The following ZZZ3 variants were observed in gnomAD, a reference collection of about 807,000 sequenced individuals.
The protein encoded by ZZZ3 is ZZ-type zinc finger-containing protein 3.
ZZZ3 carries 22 observed loss-of-function variants against 95.2 expected under a neutral mutation model. That is an observed-to-expected ratio of 0.23 (90% confidence interval 0.17 to 0.33). ZZZ3 has a LOEUF of 0.33. Among genes scored for constraint, ZZZ3 ranks in the 10% least tolerant of loss-of-function variants. The probability of loss-of-function intolerance (pLI) is 1.00; values close to 1 mark genes in which losing one functional copy is unlikely to be tolerated. For missense variants in ZZZ3, 885 were observed against 1,066.5 expected (o/e 0.83, Z 2.37); for synonymous variants, 335 against 358.9 (o/e 0.93, Z 0.75).
intron 6 of ZZZ3, among the ~76,000 whole-genome samples, chr1:77,582,476 A>C (rs1662617643): frequency 6.6e-6 from 1 of 152,150 alleles, no homozygotes; most frequent in South Asian, 2.1e-4. Context: ...ATGAACTAGG[A>C]GGAATTTTTT....
At chr1:77,664,273 A>G (rs899058954) in intron 1 of ZZZ3, among the ~76,000 whole-genome samples, 1 of 152,136 alleles carries the variant, frequency 6.6e-6, no homozygotes, top group African/African-American at 2.4e-5. Flanking sequence ...CAGTACCTTA[A>G]AGAAGAATGG....
chr1:77,636,179 AC>A (rs1668281722), intron 4 of ZZZ3, among the ~76,000 whole-genome samples: 1 of 152,282 alleles, frequency 6.6e-6, no homozygotes, highest in East Asian at 1.9e-4. Context: ...CTTTATAAAC[AC>A]ACAAAAGAAT....
chr1:77,647,118 T>C (rs1410387747), intron 1 of ZZZ3, among the ~76,000 whole-genome samples: 5 of 152,244 alleles, frequency 3.3e-5, no homozygotes, highest in Non-Finnish European at 5.9e-5. Flanking sequence ...GTTTGTGGTA[T>C]ATATACTTCC....
Position 77,579,514 on chromosome 1 carries a change from TCTC to T in ZZZ3, c.2082+10_2082+12del. 6.3e-7 allele frequency: 1 copy of T among 1,581,618 alleles called. No individual in the cohort carries two copies. The highest frequency in any genetic ancestry group is 1.1e-5 in the South Asian group (1 of 88,736). ...AAAGCATACCAGCAATCTGCAGTCA[TCTC>T]CTCAATTACCTGTTTTGCTGTCCTG... On this transcript the variant is annotated intron_variant, in intron 10 of 14. Transcript: ENST00000370801.
intron 1 of ZZZ3, among the ~76,000 whole-genome samples, chr1:77,643,974 C>T (rs983115044): frequency 6.6e-6 from 1 of 152,000 alleles, no homozygotes; most frequent in Non-Finnish European, 1.5e-5. Context: ...AGGCACTATA[C>T]TATGATTTTA....
intron 12 of ZZZ3, among the ~76,000 whole-genome samples, chr1:77,572,989 G>T (rs1245184292): frequency 6.6e-6 from 1 of 151,866 alleles, no homozygotes; most frequent in Non-Finnish European, 1.5e-5. Context: ...TCTTCATCTG[G>T]CCAATTTTTA....
At chr1:77,608,042 A>C (rs1414679097) in intron 5 of ZZZ3, among the ~76,000 whole-genome samples, 1 of 152,184 alleles carries the variant, frequency 6.6e-6, no homozygotes, top group Non-Finnish European at 1.5e-5. Context: ...GGCAAATCTA[A>C]GAGTTATTAG....
chr1:77,653,590 C>T (rs1339641124), intron 1 of ZZZ3, among the ~76,000 whole-genome samples: 1 of 151,854 alleles, frequency 6.6e-6, no homozygotes, highest in Non-Finnish European at 1.5e-5. Flanking sequence ...CCTGTATCTA[C>T]TAAAAATACA....
At chr1:77,576,769 CAAAAAAACAACA>C (rs869183066) in intron 11 of ZZZ3, among the ~76,000 whole-genome samples, 1 of 28,132 alleles carries the variant, frequency 3.6e-5, no homozygotes, top group Admixed American at 7.4e-4. Context: ...AAAAAAAAAA[CAAAAAAACAACA>C]AAAAAAAAAT....
At chr1:77,599,560 T>C (rs1664540104) in intron 5 of ZZZ3, among the ~76,000 whole-genome samples, 1 of 152,060 alleles carries the variant, frequency 6.6e-6, no homozygotes, top group East Asian at 1.9e-4. Flanking sequence ...TCAGATTTTA[T>C]ACATTGGGAC....
rs1660514471 is a variant in ZZZ3, at chr1:77,562,676, A to C, written c.*2964T>G. 6.6e-6 allele frequency: 1 copy of C among 152,248 alleles called. No individual in the cohort carries two copies. The allele number at this position is 152,248 out of a possible 1,614,324, so 9.4% of individuals were successfully genotyped here. A position where few individuals can be genotyped will look rare whatever the true frequency, so the allele number is the denominator to read the frequency against. On this transcript the variant is annotated 3_prime_UTR_variant, in exon 15 of 15. Transcript: ENST00000370801. ...CATAGAAGAAAATCCTACCCAAGGC[A>C]GGAAACACAAGCCTTAGTCCCAGCT...
rs1181009921 is a variant in ZZZ3, at chr1:77,562,482, AAAC to A, written c.*3155_*3157del. 1 of 152,218 alleles carries A rather than the reference AAAC, an allele frequency of 6.6e-6. No individual in the cohort carries two copies. Among genetic ancestry groups the A allele is most frequent in the African/African-American group, 2.4e-5 (1 of 41,450 alleles). 9.4% of individuals were successfully genotyped at this position (152,218 alleles called of 1,614,324 possible). Reference sequence around the variant, plus strand: ...TTATGATTGAAAAAGACATTTCACAAAACAATATTTATCTTTATTACATGTGAT... The same window carrying A: ...TTATGATTGAAAAAGACATTTCACAAAATATTTATCTTTATTACATGTGAT... On this transcript the variant is annotated 3_prime_UTR_variant, in exon 15 of 15. Coordinates refer to ENST00000370801, the MANE Select transcript of ZZZ3 (RefSeq NM_015534.6).
Position 77,631,923 on chromosome 1 carries a change from T to C in ZZZ3, c.1432A>G (p.Thr478Ala), listed in dbSNP as rs1667846392. ...SAKESASQHI[T>A]EEEDDDPDVY... ...TCAGGATCATCATCTTCCTCTTCTG[T>C]AATGTGCTGACTGGCACTCTCTTTG... Residue 478 changes from threonine to alanine, a missense_variant, in exon 5 of 15, where the codon ACA becomes GCA. Coordinates refer to ENST00000370801, the MANE Select transcript of ZZZ3 (RefSeq NM_015534.6). 6.2e-7 allele frequency: 1 copy of C among 1,614,024 alleles called. No homozygotes were observed. The highest frequency in any genetic ancestry group is 1.3e-5 in the African/African-American group (1 of 75,038).
chr1:77,642,420 A>G (rs1002313784), intron 1 of ZZZ3, among the ~76,000 whole-genome samples: 1 of 152,202 alleles, frequency 6.6e-6, no homozygotes, highest in African/African-American at 2.4e-5. Flanking sequence ...TCCATTACAC[A>G]GTAAAAAGAG....
At chr1:77,590,555 C>G (rs1663583345) in intron 5 of ZZZ3, among the ~76,000 whole-genome samples, 1 of 152,180 alleles carries the variant, frequency 6.6e-6, no homozygotes, top group African/African-American at 2.4e-5. Context: ...ACTATCTGGT[C>G]CTTTAAGAAA....
At chr1:77,568,106 C>G (rs1213380133) in intron 13 of ZZZ3, among the ~76,000 whole-genome samples, 1 of 151,914 alleles carries the variant, frequency 6.6e-6, no homozygotes, top group Non-Finnish European at 1.5e-5. Flanking sequence ...GGTGAAACCC[C>G]CATCTCTATT....
At chr1:77,594,170 G>A (rs942427140) in intron 5 of ZZZ3, among the ~76,000 whole-genome samples, 1 of 152,080 alleles carries the variant, frequency 6.6e-6, no homozygotes, top group Admixed American at 6.5e-5. Flanking sequence ...TCAAAGAGGA[G>A]AATATTTAAA....
intron 5 of ZZZ3, among the ~76,000 whole-genome samples, chr1:77,615,585 G>A (rs1437312362): frequency 2.0e-5 from 3 of 152,110 alleles, no homozygotes; most frequent in Admixed American, 6.5e-5. Flanking sequence ...GACATGAAAG[G>A]ACATAAGTTT....
At chr1:77,627,842 C>A (rs192473535) in intron 5 of ZZZ3, among the ~76,000 whole-genome samples, 43 of 152,248 alleles carry the variant, frequency 2.8e-4, no homozygotes, top group Admixed American at 1.2e-3. Flanking sequence ...CTTTTCACCC[C>A]CTTATCTGTT....
Sources: allele counts gnomAD v4.1 joint callset (sites outside exome capture counted in the v4.1 genomes callset), GRCh38; gene constraint gnomAD v4.1.1; transcripts MANE v1.5; gene names NCBI Gene and HGNC (gene_info 2026-07-23, HGNC 2026-07-21).